ADGRL4: variants seen among roughly 807,000 people sequenced by gnomAD.
The protein encoded by ADGRL4 is EGF, latrophilin and seven transmembrane domain containing 1.
A neutral mutation model predicts 74.8 loss-of-function variants in ADGRL4; 90 were observed. That is an observed-to-expected ratio of 1.20 (90% CI 1.02 to 1.43). The LOEUF is 1.43. Among genes scored for constraint, ADGRL4 ranks in the 40% most tolerant of loss-of-function variants. ADGRL4 has a pLI of 0.00. For synonymous variants in ADGRL4, 311 were observed against 279.2 expected, an observed-to-expected ratio of 1.11 and a Z score of -1.14; for missense variants, 881 against 814.3, an observed-to-expected ratio of 1.08 and a Z score of -1.00.
At chr1:78,975,415 T>A (rs1650257120) in intron 2 of ADGRL4, among the ~76,000 whole-genome samples, 1 of 152,044 alleles carries the variant, frequency 6.6e-6, no homozygotes, top group Admixed American at 6.6e-5. Context: ...GGAGATGCCT[T>A]GATATTAAGA....
At chr1:78,917,743 T>A (rs759651942) in intron 11 of ADGRL4, 43 bp from the exon 12 acceptor site, 1 of 1,584,872 alleles carries the variant, frequency 6.3e-7, no homozygotes, top group South Asian at 1.1e-5. Flanking sequence ...TATGTTTGCA[T>A]GTATGTTAAC....
chr1:78,983,359 G>C (rs1208164928), intron 2 of ADGRL4, among the ~76,000 whole-genome samples: 2 of 151,354 alleles, frequency 1.3e-5, no homozygotes, highest in African/African-American at 4.9e-5. Context: ...ACATTAAAGA[G>C]ATAAGCAATG....
chr1:78,901,765 C>A (rs1648526085), intron 12 of ADGRL4, among the ~76,000 whole-genome samples: 1 of 152,148 alleles, frequency 6.6e-6, no homozygotes, highest in African/African-American at 2.4e-5. Flanking sequence ...CATATAGCTA[C>A]ATGACACTGC....
intron 2 of ADGRL4, among the ~76,000 whole-genome samples, chr1:79,004,591 A>G (rs930506855): frequency 6.6e-6 from 1 of 152,092 alleles, no homozygotes; most frequent in African/African-American, 2.4e-5. Flanking sequence ...GTCATTTCCT[A>G]TGCCCAGGGT....
chr1:78,997,288 A>AATTGAAT, intron 2 of ADGRL4, among the ~76,000 whole-genome samples: 1 of 152,168 alleles, frequency 6.6e-6, no homozygotes. Context: ...TACATAAATA[A>AATTGAAT]ATTGAATATT....
At chr1:78,992,979 CTTAAG>C (rs1467463385) in intron 2 of ADGRL4, among the ~76,000 whole-genome samples, 1 of 151,944 alleles carries the variant, frequency 6.6e-6, no homozygotes. Context: ...TTTAGAATTT[CTTAAG>C]TTATTTTTTT....
chr1:78,940,821 C>A (rs999599516), intron 3 of ADGRL4, among the ~76,000 whole-genome samples: 9 of 152,074 alleles, frequency 5.9e-5, no homozygotes, highest in Non-Finnish European at 8.8e-5. Flanking sequence ...TAATTTCTCA[C>A]TCAAAAATCC....
At chr1:78,983,152 G>A (rs573970671) in intron 2 of ADGRL4, among the ~76,000 whole-genome samples, 1 of 151,824 alleles carries the variant, frequency 6.6e-6, no homozygotes, top group African/African-American at 2.4e-5. Flanking sequence ...TTCCTGTATA[G>A]AAAGGTCCTG....
chr1:78,933,424 A>T (rs1288783125), intron 7 of ADGRL4, among the ~76,000 whole-genome samples: 3 of 151,408 alleles, frequency 2.0e-5, no homozygotes, highest in Non-Finnish European at 4.4e-5. Flanking sequence ...CTGATGAAAC[A>T]TATCTTAAAA....
At chr1:78,942,762 C>A (rs1312115588) in intron 3 of ADGRL4, among the ~76,000 whole-genome samples, 1 of 151,950 alleles carries the variant, frequency 6.6e-6, no homozygotes, top group African/African-American at 2.4e-5. Flanking sequence ...GAACCTGTCT[C>A]TACTAAAAAA....
intron 12 of ADGRL4, among the ~76,000 whole-genome samples, chr1:78,905,154 A>T (rs1329299010): frequency 6.6e-6 from 1 of 152,082 alleles, no homozygotes; most frequent in Non-Finnish European, 1.5e-5. Flanking sequence ...TTCTAAAGTG[A>T]TATCAGCAAA....
chr1:78,959,598 G>A (rs1649904363), intron 2 of ADGRL4, among the ~76,000 whole-genome samples: 1 of 152,196 alleles, frequency 6.6e-6, no homozygotes. Context: ...GCATGGACTG[G>A]TGGACTGCCT....
chr1:78,983,113 AG>A (rs1267425289), intron 2 of ADGRL4, among the ~76,000 whole-genome samples: 1 of 151,832 alleles, frequency 6.6e-6, no homozygotes, highest in Non-Finnish European at 1.5e-5. Flanking sequence ...TGAAGAAGGT[AG>A]GGTGGCTGAG....
chr1:78,992,173 G>A (rs1378637193), intron 2 of ADGRL4, among the ~76,000 whole-genome samples: 1 of 151,928 alleles, frequency 6.6e-6, no homozygotes, highest in East Asian at 1.9e-4. Flanking sequence ...TCCTTTCATG[G>A]CAAATAAAGG....
intron 3 of ADGRL4, among the ~76,000 whole-genome samples, chr1:78,944,348 G>T: frequency 6.6e-6 from 1 of 152,112 alleles, no homozygotes; most frequent in East Asian, 1.9e-4. Flanking sequence ...CTGCATATTA[G>T]AACTGAACTA....
rs1380170396 is a variant in ADGRL4 at position 78,946,262 on chromosome 1, A to T, written c.325+12T>A. 6.3e-7 allele frequency: 1 copy of T among 1,589,284 alleles called. No individual in the cohort carries two copies. The highest frequency in any genetic ancestry group is 8.5e-7 in the Non-Finnish European group (1 of 1,171,160). On this transcript the variant is annotated intron_variant, in intron 3 of 14. Transcript: ENST00000370742. ...GATATATACAAATTCTAACTTAGAT[A>T]ACCGAACTTACCTATACAGACGGTT...
In ADGRL4 at chr1:78,893,149, A is replaced by C; in HGVS notation, c.1790T>G (p.Phe597Cys). 6.2e-7 allele frequency: 1 copy of C among 1,605,800 alleles called. No individual in the cohort carries two copies. Among genetic ancestry groups the C allele is most frequent in the South Asian group, 1.1e-5 (1 of 89,218 alleles). Residue 597 changes from phenylalanine to cysteine, a missense_variant, in exon 13 of 15, where the codon TTT becomes TGT. Transcript: ENST00000370742. ...TGGTTTCAACCCTGCAGTGTGACGA[A>C]AAACTTTGTATATGATGACTCCAAA... Reference protein sequence around the residue: ...LAFGVIIYKVFRHTAGLKPEV... With the variant: ...LAFGVIIYKVCRHTAGLKPEV...
intron 8 of ADGRL4, among the ~76,000 whole-genome samples, chr1:78,923,368 G>A (rs537078799): frequency 8.9e-4 from 135 of 152,174 alleles, no homozygotes; most frequent in African/African-American, 3.1e-3. Context: ...CCTAAGAAAC[G>A]GATTGGCCCA....
chr1:78,921,787 C>A lies in ADGRL4; in HGVS notation c.1084-1G>T. 1 of 1,457,196 alleles carries A rather than the reference C, an allele frequency of 6.9e-7. No homozygotes were observed. The highest frequency in any genetic ancestry group is 9.1e-7 in the Non-Finnish European group (1 of 1,098,560). The allele number at this position is 1,457,196 out of a possible 1,614,324, so 90.3% of individuals were successfully genotyped here. A position where few individuals can be genotyped will look rare whatever the true frequency, so the allele number is the denominator to read the frequency against. Reference sequence around the variant, plus strand: ...ATAGACTCCTATACCTATCTGTGACCTGAAAAAAAGATACTTTACTGATGA... The same window carrying A: ...ATAGACTCCTATACCTATCTGTGACATGAAAAAAAGATACTTTACTGATGA... On this transcript the variant is annotated splice_acceptor_variant, in intron 8 of 14. Coordinates refer to ENST00000370742, the MANE Select transcript of ADGRL4 (RefSeq NM_022159.4). LOFTEE classifies it high-confidence loss of function.
Sources: allele counts gnomAD v4.1 joint callset (sites outside exome capture counted in the v4.1 genomes callset), GRCh38; gene constraint gnomAD v4.1.1; transcripts MANE v1.5; gene names NCBI Gene and HGNC (gene_info 2026-07-23, HGNC 2026-07-21).